KLF12: variants seen among roughly 807,000 people sequenced by gnomAD.
The protein encoded by KLF12 is KLF transcription factor 12.
Under a neutral mutation model 37.8 loss-of-function variants are expected in KLF12, and 9 were observed. The ratio of observed to expected loss-of-function variants is 0.24; its 90% CI spans 0.14 to 0.42. KLF12 has a LOEUF of 0.42. Among genes scored for constraint, KLF12 ranks in the 10% least tolerant of loss-of-function variants. The probability of loss-of-function intolerance (pLI) is 1.00; values close to 1 mark genes in which losing one functional copy is unlikely to be tolerated. For synonymous variants in KLF12, 208 were observed against 202.1 expected (o/e 1.03, Z -0.25); for missense variants, 411 against 516.0 (o/e 0.80, Z 1.97).
intron 3 of KLF12, among the ~76,000 whole-genome samples, chr13:73,924,445 G>C (rs1889280058): frequency 6.6e-6 from 1 of 152,144 alleles, no homozygotes; most frequent in Admixed American, 6.6e-5. Context: ...TGTGATCAGT[G>C]ATCTTTGATG....
chr13:73,902,889 T>A (rs192907128), intron 3 of KLF12, among the ~76,000 whole-genome samples: 2 of 152,322 alleles, frequency 1.3e-5, no homozygotes, highest in East Asian at 1.9e-4. Context: ...CTAAAAAAAA[T>A]TCTGTCCAGC....
intron 3 of KLF12, among the ~76,000 whole-genome samples, chr13:73,870,518 A>T (rs1157917203): frequency 3.9e-5 from 6 of 152,228 alleles, no homozygotes; most frequent in African/African-American, 1.4e-4. Context: ...AAAAGTACTT[A>T]AAGGTAACTG....
At chr13:73,712,379 A>T (rs1593991765) in intron 7 of KLF12, among the ~76,000 whole-genome samples, 1 of 150,846 alleles carries the variant, frequency 6.6e-6, no homozygotes, top group Admixed American at 6.6e-5. Context: ...AGTGGACTCA[A>T]GATGTGACTG....
At chr13:73,763,253 T>C (rs1879686330) in intron 6 of KLF12, among the ~76,000 whole-genome samples, 1 of 152,164 alleles carries the variant, frequency 6.6e-6, no homozygotes, top group Admixed American at 6.5e-5. Flanking sequence ...TTACCCACAT[T>C]GTATATTATG....
At chr13:74,264,726 T>C in the KLF12 span, among the ~76,000 whole-genome samples, 12 of 152,196 alleles carry the variant, frequency 7.9e-5, no homozygotes, top group Non-Finnish European at 1.5e-5. Flanking sequence ...CATACTAATT[T>C]ATGTTGTCAA....
intron 4 of KLF12, among the ~76,000 whole-genome samples, chr13:73,822,872 C>G (rs1485389070): frequency 6.6e-6 from 1 of 152,156 alleles, no homozygotes; most frequent in African/African-American, 2.4e-5. Flanking sequence ...GAGATATCAC[C>G]ACACCACTAT....
intron 5 of KLF12, among the ~76,000 whole-genome samples, chr13:73,805,554 G>C (rs1473588498): frequency 1.4e-5 from 2 of 146,442 alleles, no homozygotes; most frequent in African/African-American, 5.1e-5. Flanking sequence ...AGGTTGCAGT[G>C]ATCTGAGATC....
chr13:73,773,523 C>G (rs1202067286), intron 5 of KLF12, among the ~76,000 whole-genome samples: 2 of 152,218 alleles, frequency 1.3e-5, no homozygotes, highest in African/African-American at 4.8e-5. Context: ...TTACCCTGGT[C>G]TGAACTCTTT....
the KLF12 span, among the ~76,000 whole-genome samples, chr13:74,252,124 T>C: frequency 6.6e-6 from 1 of 152,182 alleles, no homozygotes; most frequent in African/African-American, 2.4e-5. Context: ...TGTTGTTTTG[T>C]TGTGTGTGTT....
At chr13:73,766,421 A>C (rs1879917563) in intron 5 of KLF12, among the ~76,000 whole-genome samples, 1 of 152,170 alleles carries the variant, frequency 6.6e-6, no homozygotes, top group Admixed American at 6.5e-5. Flanking sequence ...AGTACATAAA[A>C]ATTATACGAA....
intron 3 of KLF12, among the ~76,000 whole-genome samples, chr13:73,894,907 T>A (rs924527672): frequency 6.6e-6 from 1 of 152,252 alleles, no homozygotes; most frequent in Non-Finnish European, 1.5e-5. Flanking sequence ...GAGAGGATTA[T>A]AGAGTAATAG....
At chr13:73,794,156 A>G (rs76516407) in intron 5 of KLF12, among the ~76,000 whole-genome samples, 1 of 152,224 alleles carries the variant, frequency 6.6e-6, no homozygotes, top group Non-Finnish European at 1.5e-5. Context: ...ACATACTGGG[A>G]TAGCCTTTTT....
chr13:73,720,408 A>G (rs963142669), intron 6 of KLF12, among the ~76,000 whole-genome samples: 1 of 152,242 alleles, frequency 6.6e-6, no homozygotes, highest in African/African-American at 2.4e-5. Flanking sequence ...CCAGTAGAGC[A>G]TTCTTTGCAT....
intron 2 of KLF12, among the ~76,000 whole-genome samples, chr13:73,971,025 A>C (rs1331259078): frequency 6.6e-6 from 1 of 152,206 alleles, no homozygotes; most frequent in African/African-American, 2.4e-5. Context: ...AGTAGTTTTC[A>C]AAGTTAAATT....
chr13:73,886,566 C>G (rs1887231843), intron 3 of KLF12, among the ~76,000 whole-genome samples: 1 of 152,096 alleles, frequency 6.6e-6, no homozygotes, highest in Non-Finnish European at 1.5e-5. Flanking sequence ...AGCAAACCAC[C>G]ATGGTACACG....
chr13:73,929,655 C>A (rs539044036), intron 3 of KLF12, among the ~76,000 whole-genome samples: 2 of 152,144 alleles, frequency 1.3e-5, no homozygotes, highest in African/African-American at 2.4e-5. Context: ...TGGGGCAAAG[C>A]GCAAGCACAC....
At chr13:73,757,963 C>T (rs1267678244) in intron 6 of KLF12, among the ~76,000 whole-genome samples, 1 of 152,038 alleles carries the variant, frequency 6.6e-6, no homozygotes, top group Non-Finnish European at 1.5e-5. Flanking sequence ...TATATTTTTT[C>T]ATATTGAGAC....
rs146484905 is a variant in KLF12, at chr13:73,867,710, T to C, written c.124-21337A>G. On this transcript the variant is annotated intron_variant, in intron 3 of 7. Coordinates refer to ENST00000377669, the MANE Select transcript of KLF12 (RefSeq NM_007249.5). ...AGTACTTATGAACTATTTACCACAA[T>C]GCGACCCCACAGTGGGCTACAAAGC... Among the ~76,000 whole-genome samples, 630 of 152,240 alleles carry C rather than the reference T, an allele frequency of 4.1e-3. 2 individuals are homozygous for C. Among genetic ancestry groups the C allele is most frequent in the African/African-American group, 0.014 (602 of 41,522 alleles).
intron 1 of KLF12, among the ~76,000 whole-genome samples, chr13:74,071,674 CAG>C (rs1874259281): frequency 1.3e-5 from 2 of 152,210 alleles, no homozygotes; most frequent in South Asian, 4.1e-4. Context: ...GCCTGGGCGA[CAG>C]AGCGAGACTC....
Sources: gnomAD v4.1 joint callset for allele counts (sites outside exome capture counted in the v4.1 genomes callset) on GRCh38, gnomAD v4.1.1 for gene constraint, MANE v1.5 for transcripts, NCBI Gene and HGNC (gene_info 2026-07-23, HGNC 2026-07-21) for gene names.